Variants in HMGXB4 observed in about 807,000 individuals in gnomAD.
The protein encoded by HMGXB4 is HMG-box containing 4.
HMGXB4 carries 27 observed loss-of-function variants against 63.9 expected under a neutral mutation model. The observed-to-expected ratio is 0.42, with a 90% CI of 0.31 to 0.58. The LOEUF (loss-of-function observed/expected upper bound fraction) is 0.58. Ranked by LOEUF, HMGXB4 falls within the 20% of genes least tolerant of loss-of-function variation. The probability of loss-of-function intolerance (pLI) is 0.13; values close to 1 mark genes in which losing one functional copy is unlikely to be tolerated. For synonymous variants in HMGXB4, 264 were observed against 265.3 expected (o/e 0.99, Z 0.05); for missense variants, 624 against 700.7 (o/e 0.89, Z 1.24).
At chr22:35,282,206 T>TC (rs1192311024) in intron 5 of HMGXB4, among the ~76,000 whole-genome samples, 3 of 152,198 alleles carry the variant, frequency 2.0e-5, no homozygotes, top group African/African-American at 7.2e-5. Flanking sequence ...AAACGGAGTC[T>TC]CGCTCTGTCG....
At chr22:35,256,600 A>G (rs1383272570), upstream of HMGXB4, among the ~76,000 whole-genome samples, 1 of 152,158 alleles carries the variant, frequency 6.6e-6, no homozygotes, top group Non-Finnish European at 1.5e-5. Context: ...CCCGGGTTCA[A>G]GCGATTCTCC....
At chr22:35,278,026 C>T (rs1398752962) in intron 5 of HMGXB4, among the ~76,000 whole-genome samples, 1 of 152,216 alleles carries the variant, frequency 6.6e-6, no homozygotes, top group Non-Finnish European at 1.5e-5. Context: ...CATTACCTCC[C>T]TGGCAGCCAC....
chr22:35,263,107 G>A lies in HMGXB4; in HGVS notation c.61G>A (p.Asp21Asn), dbSNP rs780775000. 1.4e-5 allele frequency: 22 copies of A among 1,613,884 alleles called. No individual in the cohort carries two copies. Among genetic ancestry groups the A allele is most frequent in the African/African-American group, 4.0e-5 (3 of 74,942 alleles). The change falls in exon 3 of 11, where the codon GAC becomes AAC. Residue 21 changes from aspartate (D) to asparagine (N), a missense_variant. Physicochemically the swap from Asp to Asn is conservative, Grantham distance 23 (BLOSUM62 1). Transcript: ENST00000216106. ...TTTTGATGGTGATCATACCTTTGAG[G>A]ACATAGGACTTGCAGCTGGCCGAAG... ...DCFDGDHTFE[D>N]IGLAAGRSQR...
chr22:35,254,272 A>C (rs1029787711), upstream of HMGXB4, among the ~76,000 whole-genome samples: 2 of 152,194 alleles, frequency 1.3e-5, no homozygotes, highest in African/African-American at 4.8e-5. Flanking sequence ...AGGCATTCTT[A>C]TTCACAAACC....
chr22:35,259,577 CCTTT>C (rs1922706905), intron 1 of HMGXB4, among the ~76,000 whole-genome samples: 1 of 152,206 alleles, frequency 6.6e-6, no homozygotes, highest in Non-Finnish European at 1.5e-5. Context: ...CTGAACTCTG[CCTTT>C]CTTTCACACT....
the HMGXB4 span, among the ~76,000 whole-genome samples, chr22:35,247,051 C>T: frequency 1.3e-5 from 2 of 152,162 alleles, no homozygotes; most frequent in Admixed American, 1.3e-4. Context: ...ATTGATTTTC[C>T]TTCCCATTGT....
chr22:35,285,000 CCTT>C (rs1194656650), intron 6 of HMGXB4, among the ~76,000 whole-genome samples: 4 of 152,332 alleles, frequency 2.6e-5, no homozygotes, highest in Middle Eastern at 3.4e-3. Flanking sequence ...CTAGGGAAAT[CCTT>C]CTTTGGTTCT....
At chr22:35,278,916 A>G (rs1161481735) in intron 5 of HMGXB4, among the ~76,000 whole-genome samples, 2 of 151,186 alleles carry the variant, frequency 1.3e-5, no homozygotes, top group Non-Finnish European at 1.5e-5. Flanking sequence ...GCATGGTGGC[A>G]CGCACTCGTA....
the HMGXB4 span, among the ~76,000 whole-genome samples, chr22:35,245,290 A>G: frequency 1.5e-5 from 2 of 129,194 alleles, no homozygotes; most frequent in Admixed American, 1.5e-4. Flanking sequence ...TCTTCTATAT[A>G]TTATTTATTT....
chr22:35,262,097 C>A, intron 1 of HMGXB4: 1 of 353,908 alleles, frequency 2.8e-6, no homozygotes, highest in Admixed American at 4.4e-5. Context: ...TATATACTTC[C>A]CCAAATGACA....
At chr22:35,273,350 T>C (rs1378479586) in intron 5 of HMGXB4, among the ~76,000 whole-genome samples, 1 of 152,228 alleles carries the variant, frequency 6.6e-6, no homozygotes, top group Non-Finnish European at 1.5e-5. Context: ...CTCCGTGCCA[T>C]GATAGATCTT....
intron 5 of HMGXB4, among the ~76,000 whole-genome samples, chr22:35,280,079 A>G (rs1310454466): frequency 6.6e-6 from 1 of 152,124 alleles, no homozygotes; most frequent in African/African-American, 2.4e-5. Context: ...CCCAGTCAGG[A>G]TAATCTCCCT....
chr22:35,246,991 C>T, the HMGXB4 span, among the ~76,000 whole-genome samples: 1 of 152,076 alleles, frequency 6.6e-6, no homozygotes, highest in African/African-American at 2.4e-5. Flanking sequence ...GTTTATTGTC[C>T]TTGTCTTCTA....
intron 9 of HMGXB4, among the ~76,000 whole-genome samples, chr22:35,290,997 C>G (rs1181741628): frequency 2.0e-5 from 3 of 152,158 alleles, no homozygotes; most frequent in Non-Finnish European, 4.4e-5. Flanking sequence ...AGCACTGTTG[C>G]TTGTTCCTGT....
chr22:35,265,697 C>T (rs968950499), intron 5 of HMGXB4, 94 bp downstream of exon 5: 9 of 1,427,972 alleles, frequency 6.3e-6, no homozygotes, highest in South Asian at 1.5e-5. Flanking sequence ...TGAGGTAAAC[C>T]ACTGGGAATT....
At chr22:35,254,113 C>G (rs1196232330), upstream of HMGXB4, among the ~76,000 whole-genome samples, 1 of 152,132 alleles carries the variant, frequency 6.6e-6, no homozygotes, top group Non-Finnish European at 1.5e-5. Context: ...AAGAGATGTC[C>G]AAACCAAGCA....
At chr22:35,288,431 G>A in intron 9 of HMGXB4, 24 bp downstream of exon 9, 1 of 1,539,006 alleles carries the variant, frequency 6.5e-7, no homozygotes, top group Non-Finnish European at 8.8e-7. Context: ...TCAGCAGCAT[G>A]ACTACAGTTT....
At chr22:35,291,637 C>T (rs1207456370) in intron 9 of HMGXB4, among the ~76,000 whole-genome samples, 4 of 152,114 alleles carry the variant, frequency 2.6e-5, no homozygotes, top group African/African-American at 9.6e-5. Context: ...TATTATCTTC[C>T]CTGTATACTA....
chr22:35,279,633 T>C (rs1453484872), intron 5 of HMGXB4, among the ~76,000 whole-genome samples: 2 of 151,880 alleles, frequency 1.3e-5, no homozygotes, highest in Admixed American at 1.3e-4. Context: ...CTGAGACTTA[T>C]TTTGAGTTAA....
Sources: allele counts gnomAD v4.1 joint callset (sites outside exome capture counted in the v4.1 genomes callset), GRCh38; gene constraint gnomAD v4.1.1; transcripts MANE v1.5; gene names NCBI Gene and HGNC (gene_info 2026-07-23, HGNC 2026-07-21).